PADI4: variants seen among roughly 807,000 people sequenced by gnomAD.
PADI4 encodes protein-arginine deiminase type-4.
PADI4 carries 62 observed loss-of-function variants against 75.0 expected under a neutral mutation model. The ratio of observed to expected loss-of-function variants is 0.83; its 90% CI spans 0.67 to 1.02. PADI4 has a LOEUF of 1.02. Ranked by LOEUF, PADI4 falls within the 50% of genes least tolerant of loss-of-function variation. The pLI is 0.00. For missense variants in PADI4, 845 were observed against 850.5 expected (o/e 0.99, Z 0.08); for synonymous variants, 361 against 348.1 (o/e 1.04, Z -0.41).
intron 3 of PADI4, among the ~76,000 whole-genome samples, chr1:17,335,081 T>C (rs1288880748): frequency 6.6e-6 from 1 of 152,092 alleles, no homozygotes; most frequent in Non-Finnish European, 1.5e-5. Context: ...AGGTCAAGAC[T>C]ACATGATTGT....
At chr1:17,311,844 C>G (rs554753888) in intron 1 of PADI4, among the ~76,000 whole-genome samples, 1 of 152,128 alleles carries the variant, frequency 6.6e-6, no homozygotes, top group Admixed American at 6.6e-5. Context: ...TCTGAATAGA[C>G]CAGTTGGCAT....
At chr1:17,362,001 G>A (rs193060587) in intron 15 of PADI4, among the ~76,000 whole-genome samples, 30 of 152,266 alleles carry the variant, frequency 2.0e-4, no homozygotes, top group African/African-American at 6.5e-4. Flanking sequence ...ATCTGAGCTG[G>A]GCCCTGAGTA....
chr1:17,314,486 C>T (rs887604499), intron 1 of PADI4, among the ~76,000 whole-genome samples: 2 of 152,164 alleles, frequency 1.3e-5, no homozygotes, highest in African/African-American at 4.8e-5. Context: ...CCGGGAACTG[C>T]CCCCTGGGCT....
intron 5 of PADI4, 67 bp downstream of exon 5, chr1:17,338,222 C>A: frequency 1.1e-6 from 1 of 942,444 alleles, no homozygotes. Context: ...ATAGCCTGAA[C>A]CTGGTGACGG....
rs1235565133 is a variant in PADI4, at chr1:17,346,294, G to C, written c.1047+155G>C. ...ACCTGAGAGATCCTTGGGCCGGGAG[G>C]CTCAAGCAAGTGATTCATCTGACGT... On this transcript the variant is annotated intron_variant, in intron 9 of 15. Transcript: ENST00000375448. The surrounding 1 kb of genome is among the most constrained non-coding windows in gnomAD (Gnocchi z 4.3). Among the ~76,000 whole-genome samples the C allele has an allele frequency of 6.6e-6, 1 of 152,138 alleles. No individual in the cohort carries two copies. The highest frequency in any genetic ancestry group is 1.5e-5 in the Non-Finnish European group (1 of 68,022).
At chr1:17,313,819 T>C (rs143404018) in intron 1 of PADI4, among the ~76,000 whole-genome samples, 24 of 152,108 alleles carry the variant, frequency 1.6e-4, no homozygotes, top group African/African-American at 5.8e-4. Flanking sequence ...TGTTGGAAGT[T>C]ACAAGAAGAT....
chr1:17,313,226 G>A (rs553999280), intron 1 of PADI4, among the ~76,000 whole-genome samples: 28 of 151,696 alleles, frequency 1.8e-4, no homozygotes, highest in African/African-American at 4.4e-4. Context: ...GGGGCCAGGC[G>A]TGGTAGCTCA....
intron 1 of PADI4, among the ~76,000 whole-genome samples, chr1:17,329,248 C>G (rs1346281852): frequency 6.6e-6 from 1 of 150,734 alleles, no homozygotes; most frequent in Non-Finnish European, 1.5e-5. Context: ...ATGGCGTGAA[C>G]CCAGGAGGCA....
intron 1 of PADI4, among the ~76,000 whole-genome samples, chr1:17,320,450 AT>A (rs1364201929): frequency 6.6e-6 from 1 of 152,198 alleles, no homozygotes; most frequent in African/African-American, 2.4e-5. Flanking sequence ...CTGGTTGCCC[AT>A]TTTTATGGTT....
At chr1:17,340,553 T>G (rs192375474) in intron 6 of PADI4, among the ~76,000 whole-genome samples, 1 of 151,792 alleles carries the variant, frequency 6.6e-6, no homozygotes. Flanking sequence ...GGTGAGATCA[T>G]GCCTGTGGTT....
At chr1:17,344,283 A>G (rs1179423143) in intron 8 of PADI4, among the ~76,000 whole-genome samples, 1 of 152,202 alleles carries the variant, frequency 6.6e-6, no homozygotes, top group African/African-American at 2.4e-5. Context: ...CAAGGCATTC[A>G]AGAGGTGACT....
intron 5 of PADI4, among the ~76,000 whole-genome samples, chr1:17,338,791 G>A (rs1345824241): frequency 6.6e-6 from 1 of 152,212 alleles, no homozygotes; most frequent in Non-Finnish European, 1.5e-5. Flanking sequence ...TTGAAGTGAG[G>A]AAACATTATC....
At chr1:17,333,921 T>C (rs561478777) in intron 2 of PADI4, 22 bp from the exon 3 acceptor site, 3 of 1,584,610 alleles carry the variant, frequency 1.9e-6, no homozygotes, top group African/African-American at 2.7e-5. Context: ...AGAGAAGTCA[T>C]TAGTGATCTG....
intron 6 of PADI4, among the ~76,000 whole-genome samples, chr1:17,340,391 G>A (rs933575460): frequency 2.0e-5 from 3 of 152,192 alleles, no homozygotes; most frequent in Admixed American, 6.6e-5. Flanking sequence ...GTGGAGTGAG[G>A]AGTGGAGTTC....
chr1:17,313,498 CAAAAAAAAA>C (rs71014933), intron 1 of PADI4, among the ~76,000 whole-genome samples: 8 of 68,400 alleles, frequency 1.2e-4, no homozygotes, highest in East Asian at 5.0e-4. Flanking sequence ...AAGACCTTGT[CAAAAAAAAA>C]AAAAAAAAAA....
At chr1:17,337,133 A>G (rs925884765) in intron 4 of PADI4, among the ~76,000 whole-genome samples, 36 of 143,834 alleles carry the variant, frequency 2.5e-4, no homozygotes, top group African/African-American at 7.0e-4. Context: ...CATTTTATTT[A>G]TTTATTTATG....
rs2074753488 is a variant in PADI4, at chr1:17,356,036, A to G, written c.1364A>G (p.Gln455Arg). The G allele has an allele frequency of 6.2e-7, 1 of 1,614,128 alleles. No individual in the cohort carries two copies. The highest frequency in any genetic ancestry group is 1.3e-5 in the African/African-American group (1 of 75,052). Residue 455 changes from glutamine (Q) to arginine (R), a missense_variant, in exon 12 of 16, where the codon CAG becomes CGG. By Grantham distance (43) the Gln-to-Arg change is conservative. Transcript: ENST00000375448. This position sits in a 1 kb window ranked among gnomAD's most constrained non-coding sequence, Gnocchi z 4.1. ...QALQDFLSAQ[Q>R]VQAPVKLYSD... The stretch of plus-strand genomic sequence containing the variant: ...CTGCAGGACTTCCTCAGTGCCCAGC[A>G]GGTGCAGGCCCCTGTGAAGCTCTAT...
chr1:17,362,022 T>C (rs761830594), intron 15 of PADI4, among the ~76,000 whole-genome samples: 11 of 151,480 alleles, frequency 7.3e-5, no homozygotes, highest in Non-Finnish European at 1.3e-4. Context: ...ATAGAAAGAG[T>C]TTACCAGAAG....
intron 1 of PADI4, among the ~76,000 whole-genome samples, chr1:17,323,853 C>CA (rs1476861253): frequency 4.0e-4 from 42 of 103,804 alleles, no homozygotes; most frequent in African/African-American, 1.3e-3. Flanking sequence ...CAAACAACAA[C>CA]AACAACAAAA....
Sources: gnomAD v4.1 joint callset for allele counts (sites outside exome capture counted in the v4.1 genomes callset) on GRCh38, gnomAD v4.1.1 for gene constraint, Gnocchi (gnomAD v3.1) non-coding constraint, MANE v1.5 for transcripts, NCBI Gene and HGNC (gene_info 2026-07-23, HGNC 2026-07-21) for gene names.